Variants in TMEM108 observed in about 807,000 individuals in gnomAD.
TMEM108 encodes the protein transmembrane protein 108, also known as cancer/testis antigen 124.
TMEM108 carries 12 observed loss-of-function variants against 35.1 expected under a neutral mutation model. That is an observed-to-expected ratio of 0.34 (90% confidence interval 0.22 to 0.55). The LOEUF is 0.55. Ranked by LOEUF, TMEM108 falls within the 20% of genes least tolerant of loss-of-function variation. The pLI, the probability that TMEM108 is intolerant of heterozygous loss-of-function variation, is 0.89. For synonymous variants in TMEM108, 287 were observed against 308.6 expected, an observed-to-expected ratio of 0.93 and a Z score of 0.73; for missense variants, 680 against 753.3, an observed-to-expected ratio of 0.90 and a Z score of 1.14.
At chr3:133,361,075 C>T (rs1435923869) in intron 3 of TMEM108, among the ~76,000 whole-genome samples, 1 of 152,214 alleles carries the variant, frequency 6.6e-6, no homozygotes, top group African/African-American at 2.4e-5. Context: ...TAGGAATCAA[C>T]CTTACTTGCA....
At chr3:133,126,291 C>A (rs958401921) in intron 2 of TMEM108, among the ~76,000 whole-genome samples, 2 of 151,718 alleles carry the variant, frequency 1.3e-5, no homozygotes, top group African/African-American at 2.4e-5. Flanking sequence ...ATGGTTAAAC[C>A]CCATCTCTAC....
At chr3:133,290,764 G>A (rs931391227) in intron 3 of TMEM108, among the ~76,000 whole-genome samples, 1 of 152,120 alleles carries the variant, frequency 6.6e-6, no homozygotes, top group Non-Finnish European at 1.5e-5. Context: ...AGAAAATGGC[G>A]TGTAACTTTT....
intron 2 of TMEM108, among the ~76,000 whole-genome samples, chr3:133,084,803 G>C (rs1943860529): frequency 6.6e-6 from 1 of 152,200 alleles, no homozygotes; most frequent in African/African-American, 2.4e-5. Flanking sequence ...CAGGGAGATA[G>C]AAGTTCAAAT....
chr3:133,123,688 G>A (rs546243482), intron 2 of TMEM108, among the ~76,000 whole-genome samples: 7 of 152,348 alleles, frequency 4.6e-5, no homozygotes, highest in African/African-American at 1.7e-4. Flanking sequence ...AAGTGAATAA[G>A]AAGCCTCTTT....
At chr3:133,308,898 C>T (rs1315055160) in intron 3 of TMEM108, among the ~76,000 whole-genome samples, 2 of 152,186 alleles carry the variant, frequency 1.3e-5, no homozygotes, top group Non-Finnish European at 2.9e-5. Context: ...GGAGGATTCT[C>T]TCTTTTTCTA....
intron 2 of TMEM108, among the ~76,000 whole-genome samples, chr3:133,144,063 G>A (rs1307131287): frequency 1.3e-5 from 2 of 151,736 alleles, no homozygotes; most frequent in East Asian, 3.9e-4. Context: ...ATGGTGGTTT[G>A]CTGTACCCAT....
chr3:133,202,525 T>C (rs111386758), intron 2 of TMEM108, among the ~76,000 whole-genome samples: 118,665 of 152,116 alleles, frequency 0.78, 46,630 homozygotes, highest in East Asian at 0.95. Flanking sequence ...AGCTAGTTTT[T>C]GCAACACCAT....
chr3:133,047,043 G>A (rs1943348560), intron 2 of TMEM108, among the ~76,000 whole-genome samples: 1 of 152,072 alleles, frequency 6.6e-6, no homozygotes, highest in South Asian at 2.1e-4. Context: ...ATTAGAGGAT[G>A]GAGATCTCTG....
At chr3:133,097,464 G>A (rs758269696) in intron 2 of TMEM108, among the ~76,000 whole-genome samples, 2 of 152,092 alleles carry the variant, frequency 1.3e-5, no homozygotes, top group African/African-American at 2.4e-5. Context: ...ACCTGGGCAC[G>A]TTTCCCAGCC....
intron 3 of TMEM108, among the ~76,000 whole-genome samples, chr3:133,348,577 G>A (rs1418526745): frequency 1.3e-5 from 2 of 152,298 alleles, no homozygotes; most frequent in East Asian, 1.9e-4. Flanking sequence ...GGGGAGCTGG[G>A]CTAGCCCATC....
At chr3:133,390,079 C>A in intron 4 of TMEM108, 101 bp from the exon 5 acceptor site, 1 of 1,425,852 alleles carries the variant, frequency 7.0e-7, no homozygotes, top group Non-Finnish European at 9.7e-7. Context: ...TCCCACCATA[C>A]ACTTACTCCA....
intron 3 of TMEM108, among the ~76,000 whole-genome samples, chr3:133,254,635 ATGAT>A (rs370623257): frequency 1.1e-3 from 173 of 152,332 alleles, no homozygotes; most frequent in African/African-American, 3.9e-3. Flanking sequence ...AAAGAGATTG[ATGAT>A]TGATTGATTA....
chr3:133,250,670 G>C (rs962003723), intron 3 of TMEM108, among the ~76,000 whole-genome samples: 1 of 152,142 alleles, frequency 6.6e-6, no homozygotes, highest in African/African-American at 2.4e-5. Context: ...TTTTTCAATA[G>C]GATTTTGTGC....
At chr3:133,196,478 A>T (rs964865531) in intron 2 of TMEM108, among the ~76,000 whole-genome samples, 1 of 152,200 alleles carries the variant, frequency 6.6e-6, no homozygotes, top group Non-Finnish European at 1.5e-5. Context: ...AGCTTGATGT[A>T]GTCCTTTTTG....
chr3:133,307,046 T>A (rs1242441536), intron 3 of TMEM108, among the ~76,000 whole-genome samples: 4 of 152,148 alleles, frequency 2.6e-5, no homozygotes, highest in Non-Finnish European at 5.9e-5. Flanking sequence ...GTTTCCTGAC[T>A]TTTTAATGAT....
rs376567871 is a variant in TMEM108 at position 133,296,654 on chromosome 3, TC to T, written c.40+67306del. Among the ~76,000 whole-genome samples the T allele has an allele frequency of 2.8e-3, 427 of 152,100 alleles. 2 individuals are homozygous for T. Among genetic ancestry groups the T allele is most frequent in the African/African-American group, 0.01 (415 of 41,480 alleles). On this transcript the variant is annotated intron_variant, in intron 3 of 5. Coordinates refer to ENST00000321871, the MANE Select transcript of TMEM108 (RefSeq NM_023943.4). Reference sequence around the variant, plus strand: ...AGATGGACAGGCTGGAAAAGGAACATCCCTAATCCAAAGCAACCCGTGTGTC... The same window carrying T: ...AGATGGACAGGCTGGAAAAGGAACATCCTAATCCAAAGCAACCCGTGTGTC...
chr3:133,355,567 A>G lies in TMEM108; in HGVS notation c.41-24185A>G, dbSNP rs112180461. On this transcript the variant is annotated intron_variant, in intron 3 of 5. Coordinates refer to ENST00000321871, the MANE Select transcript of TMEM108 (RefSeq NM_023943.4). The stretch of plus-strand genomic sequence containing the variant: ...TGTGCAGAAGGGCAAGCAGACCAGC[A>G]GGCCAGGAATTTGATATTCATGGAA... Among the ~76,000 whole-genome samples the G allele has an allele frequency of 8.9e-3, 1,357 of 152,352 alleles. 20 individuals carry two copies. Among genetic ancestry groups the G allele is most frequent in the African/African-American group, 0.03 (1,254 of 41,588 alleles).
At chr3:133,241,152 C>T (rs915677082) in intron 3 of TMEM108, among the ~76,000 whole-genome samples, 4 of 152,022 alleles carry the variant, frequency 2.6e-5, no homozygotes, top group African/African-American at 9.7e-5. Context: ...GAGTTTTTTC[C>T]AGCAGTTTCA....
intron 2 of TMEM108, among the ~76,000 whole-genome samples, chr3:133,132,475 T>G (rs1944503819): frequency 1.3e-5 from 2 of 152,174 alleles, no homozygotes; most frequent in Non-Finnish European, 2.9e-5. Context: ...CACATCTGTT[T>G]ATAGCATGGT....
Sources: allele counts gnomAD v4.1 joint callset (sites outside exome capture counted in the v4.1 genomes callset), GRCh38; gene constraint gnomAD v4.1.1; transcripts MANE v1.5; gene names NCBI Gene and HGNC (gene_info 2026-07-23, HGNC 2026-07-21).